The following ABCB4 variants were observed in gnomAD, a reference collection of about 807,000 sequenced individuals.
ABCB4 encodes ATP binding cassette subfamily B member 4, also known as phosphatidylcholine translocator ABCB4.
In ABCB4, 76 loss-of-function variants were observed where a neutral mutation model predicts 145.7. That is an observed-to-expected ratio of 0.52 (90% CI 0.43 to 0.63). The LOEUF (loss-of-function observed/expected upper bound fraction) is 0.63, where lower values mean the gene tolerates loss of function less well. ABCB4 is among the 30% of genes least tolerant of loss of function. The probability of loss-of-function intolerance (pLI) is 0.00; values close to 1 mark genes in which losing one functional copy is unlikely to be tolerated. For synonymous variants in ABCB4, 517 were observed against 566.8 expected (o/e 0.91, Z 1.25); for missense variants, 1,234 against 1,553.1 (o/e 0.79, Z 3.45).
chr7:87,412,070 C>T, intron 22 of ABCB4, 37 bp from the exon 23 acceptor site: 1 of 1,612,342 alleles, frequency 6.2e-7, no homozygotes. Context: ...ACCATCTCTT[C>T]AGCCTCCTTT....
rs577519098 is a variant in ABCB4, at chr7:87,447,157, A to G, written c.882T>C (p.Ala294=). Residue 294 remains alanine, a synonymous_variant, in exon 9 of 28, where the codon GCT becomes GCC. Coordinates refer to ENST00000649586, the MANE Select transcript of ABCB4 (RefSeq NM_000443.4). ...ENAKEIGIKK[A]ISANISMGIA... ...TACCCATGGAAATGTTTGCTGAAAT[A>G]GCTTTTTTAATTCCAATCTCTTTGG... 1 of 1,614,070 alleles carries G rather than the reference A, an allele frequency of 6.2e-7. No individual in the cohort carries two copies. Among genetic ancestry groups the G allele is most frequent in the Admixed American group, 1.7e-5 (1 of 59,982 alleles).
downstream of ABCB4, chr7:87,398,766 A>G (rs541090724): frequency 1.4e-5 from 13 of 908,366 alleles, no homozygotes; most frequent in South Asian, 2.2e-4. Context: ...AAGTTAAGAA[A>G]ACTTGTTAAA....
At chr7:87,424,682 T>C (rs1176646759) in intron 16 of ABCB4, among the ~76,000 whole-genome samples, 1 of 152,242 alleles carries the variant, frequency 6.6e-6, no homozygotes, top group East Asian at 1.9e-4. Context: ...TCTTATTTCA[T>C]AGCTTAGCTT....
In ABCB4 at chr7:87,452,992, C is replaced by G. The variant is rs1276940107; in HGVS notation, c.488G>C (p.Gly163Ala). The G allele has an allele frequency of 1.2e-6, 2 of 1,614,048 alleles. No homozygotes were observed. Among genetic ancestry groups the G allele is most frequent in the African/African-American group, 2.7e-5 (2 of 75,000 alleles). The change falls in exon 6 of 28, where the codon GGA becomes GCA. Residue 163 changes from glycine to alanine, a missense_variant. Physicochemically the swap from Gly to Ala is moderately conservative, Grantham distance 60. Around this residue, in one of 7 missense-constraint regions of ABCB4, gnomAD observed 467 missense variants for 632.8 expected, o/e 0.74. Transcript: ENST00000649586. ...AGTGGTGTCGTTGATGTCAAACCATCCTATTTCCTGTCGTAGAATAGCATG... is the reference window on the plus strand; with the variant it reads ...AGTGGTGTCGTTGATGTCAAACCATGCTATTTCCTGTCGTAGAATAGCATG... ...FFHAILRQEI[G>A]WFDINDTTEL... is the part of the protein sequence containing the mutation.
At position 87,409,274 on chromosome 7, in the gene ABCB4, G is replaced by A; in HGVS notation, c.3043C>T (p.Pro1015Ser). The A allele has an allele frequency of 1.9e-6, 3 of 1,614,042 alleles. No homozygotes were observed. The highest frequency in any genetic ancestry group is 2.5e-6 in the Non-Finnish European group (3 of 1,179,976). Residue 1015 changes from proline (P) to serine (S), a missense_variant, in exon 24 of 28, where the codon CCT becomes TCT. Around this residue, in one of 7 missense-constraint regions of ABCB4, gnomAD observed 301 missense variants for 389.0 expected, o/e 0.77. Transcript: ENST00000649586. ...AHLFMLFERQ[P>S]LIDSYSEEGL... Reference sequence around the variant, plus strand: ...TCTTCACTGTAGCTGTCAATCAGAGGTTGTCTTTCAAACAGCATGAATAAG... The same window carrying A: ...TCTTCACTGTAGCTGTCAATCAGAGATTGTCTTTCAAACAGCATGAATAAG...
intron 4 of ABCB4, among the ~76,000 whole-genome samples, chr7:87,458,885 T>C (rs1383558427): frequency 6.6e-6 from 1 of 152,054 alleles, no homozygotes; most frequent in African/African-American, 2.4e-5. Context: ...ACCACAGTTC[T>C]GTAAGTGACT....
At chr7:87,448,238 C>T (rs565173715) in intron 8 of ABCB4, among the ~76,000 whole-genome samples, 7 of 151,530 alleles carry the variant, frequency 4.6e-5, no homozygotes, top group African/African-American at 1.5e-4. Context: ...AATGACACTT[C>T]GAGGGGAAAA....
rs1438691402 is a variant in ABCB4 at position 87,408,302 on chromosome 7, C to A, written c.3082-68G>T. ...ATTATTGGAATAAGAAATATTATTTCAAGGAAACTTTACCAAAGACTGTAG... is the reference window on the plus strand; with the variant it reads ...ATTATTGGAATAAGAAATATTATTTAAAGGAAACTTTACCAAAGACTGTAG... On this transcript the variant is annotated intron_variant, in intron 24 of 27. Transcript: ENST00000649586. 5 of 1,488,138 alleles carry A rather than the reference C, an allele frequency of 3.4e-6. No individual in the cohort carries two copies. The Admixed American group carries it at 9.2e-5, about 27-fold the overall frequency. 92.2% of individuals were successfully genotyped at this position (1,488,138 alleles called of 1,614,324 possible). A position where few individuals can be genotyped will look rare whatever the true frequency, so the allele number is the denominator to read the frequency against.
the ABCB4 span, among the ~76,000 whole-genome samples, chr7:87,385,735 T>C: frequency 6.6e-6 from 1 of 152,196 alleles, no homozygotes; most frequent in Non-Finnish European, 1.5e-5. Flanking sequence ...GTGGTGAAAG[T>C]AGGCATCTTT....
At position 87,426,713 on chromosome 7, in the gene ABCB4, A is replaced by C. The variant is rs752221809; in HGVS notation, c.2064+37T>G. 2.5e-6 allele frequency: 4 copies of C among 1,596,908 alleles called. No individual in the cohort carries two copies. In the African/African-American group the frequency reaches 4.0e-5, roughly 16 times the overall value. The stretch of plus-strand genomic sequence containing the variant: ...ATTTCAATAATTGTAGCAAAACTAC[A>C]AAGTAAAAGACTTAATTTAAGTGAA... On this transcript the variant is annotated intron_variant, in intron 16 of 27. Coordinates refer to ENST00000649586, the MANE Select transcript of ABCB4 (RefSeq NM_000443.4).
Position 87,409,329 on chromosome 7 carries a change from G to A in ABCB4, c.2988C>T (p.Asp996=). The change falls in exon 24 of 28, where the codon GAC becomes GAT. Residue 996 remains aspartate, a synonymous_variant. Transcript: ENST00000649586. ...CTGCAGACAGCTTAGCTTTAGCATAGTCTGGAGCAAATGAACTGGCATGTC... is the reference window on the plus strand; with the variant it reads ...CTGCAGACAGCTTAGCTTTAGCATAATCTGGAGCAAATGAACTGGCATGTC... ...ALGHASSFAP[D]YAKAKLSAAH... 1 of 1,614,084 alleles carries A rather than the reference G, an allele frequency of 6.2e-7. No individual in the cohort carries two copies. The highest frequency in any genetic ancestry group is 8.5e-7 in the Non-Finnish European group (1 of 1,179,994).
At chr7:87,422,066 A>G in intron 18 of ABCB4, 55 bp downstream of exon 18, 3 of 1,275,104 alleles carry the variant, frequency 2.4e-6, no homozygotes, top group Non-Finnish European at 3.4e-6. Flanking sequence ...GGTTTAATTT[A>G]ATTTCTCTAA....
chr7:87,387,739 G>T, the ABCB4 span, among the ~76,000 whole-genome samples: 2 of 152,140 alleles, frequency 1.3e-5, no homozygotes, highest in African/African-American at 2.4e-5. Context: ...ATCACTTGAG[G>T]TCAGGAGTTC....
chr7:87,390,580 C>T, the ABCB4 span, among the ~76,000 whole-genome samples: 1 of 152,188 alleles, frequency 6.6e-6, no homozygotes, highest in Non-Finnish European at 1.5e-5. Flanking sequence ...TACCCACATT[C>T]AGAGACTTTT....
At chr7:87,458,960 C>A in intron 4 of ABCB4, among the ~76,000 whole-genome samples, 1 of 147,064 alleles carries the variant, frequency 6.8e-6, no homozygotes. Flanking sequence ...AGCTTAAAGC[C>A]ATTCAGTTTC....
At chr7:87,407,873 C>T (rs376437847) in intron 25 of ABCB4, among the ~76,000 whole-genome samples, 164 bp downstream of exon 25, 1 of 152,238 alleles carries the variant, frequency 6.6e-6, no homozygotes, top group East Asian at 1.9e-4. Flanking sequence ...TCCTATTGTC[C>T]CCATATATTT....
At chr7:87,392,852 A>G in the ABCB4 span, 2 of 1,609,370 alleles carry the variant, frequency 1.2e-6, no homozygotes, top group Non-Finnish European at 1.7e-6. Flanking sequence ...TTACAGCTTC[A>G]TCAATTGGCT....
intron 4 of ABCB4, among the ~76,000 whole-genome samples, chr7:87,457,728 T>C (rs1584774107): frequency 6.6e-6 from 1 of 152,200 alleles, no homozygotes; most frequent in African/African-American, 2.4e-5. Flanking sequence ...GTAAGGATTA[T>C]AGAGGTTAAG....
chr7:87,464,738 T>C (rs1228694535), intron 3 of ABCB4, among the ~76,000 whole-genome samples: 3 of 152,204 alleles, frequency 2.0e-5, no homozygotes, highest in Non-Finnish European at 4.4e-5. Context: ...TTAAGATATC[T>C]AGTAAGAGGT....
Sources: allele counts gnomAD v4.1 joint callset (sites outside exome capture counted in the v4.1 genomes callset), GRCh38; gene constraint gnomAD v4.1.1; regional missense constraint gnomAD v4.1.1; transcripts MANE v1.5; gene names NCBI Gene and HGNC (gene_info 2026-07-23, HGNC 2026-07-21).